The following LRRC7 variants were observed in gnomAD, a reference collection of about 807,000 sequenced individuals.
LRRC7 encodes leucine-rich repeat-containing protein 7.
Under a neutral mutation model 175.7 loss-of-function variants are expected in LRRC7, and 23 were observed. The observed-to-expected ratio is 0.13, with a 90% confidence interval of 0.09 to 0.19. The LOEUF is 0.19. Among genes scored for constraint, LRRC7 ranks in the 10% least tolerant of loss-of-function variants. The pLI is 1.00. For synonymous variants in LRRC7, 685 were observed against 680.9 expected (o/e 1.01, Z -0.09); for missense variants, 1,354 against 1,904.7 (o/e 0.71, Z 5.38).
At chr1:70,000,266 T>C (rs1385014712) in intron 11 of LRRC7, among the ~76,000 whole-genome samples, 1 of 152,220 alleles carries the variant, frequency 6.6e-6, no homozygotes, top group Non-Finnish European at 1.5e-5. Flanking sequence ...CATAAGATTA[T>C]AATACTGTAT....
chr1:70,008,944 C>T (rs1656232673), intron 11 of LRRC7, among the ~76,000 whole-genome samples: 2 of 152,096 alleles, frequency 1.3e-5, no homozygotes, highest in African/African-American at 4.8e-5. Context: ...AACTGAGATG[C>T]AGTTACTCAT....
chr1:69,615,663 C>A (rs1276346503), intron 1 of LRRC7, among the ~76,000 whole-genome samples: 1 of 151,916 alleles, frequency 6.6e-6, no homozygotes, highest in East Asian at 1.9e-4. Context: ...ATTTTATATA[C>A]ATGCATATAC....
chr1:70,128,455 G>A lies in LRRC7; in HGVS notation c.*6568G>A, dbSNP rs1387310061. On this transcript the variant is annotated 3_prime_UTR_variant, in exon 27 of 27. Coordinates refer to ENST00000651989, the MANE Select transcript of LRRC7 (RefSeq NM_001370785.2). ...GGTTGAATAAGCAGCCTAACAAATA[G>A]CCAAGTATCTTTACATCCAGAGTAA... 1 of 152,048 alleles carries A rather than the reference G, an allele frequency of 6.6e-6. No homozygotes were observed. The highest frequency in any genetic ancestry group is 1.5e-5 in the Non-Finnish European group (1 of 68,004). The allele number at this position is 152,048 out of a possible 1,614,324, so 9.4% of individuals were successfully genotyped here. A position where few individuals can be genotyped will look rare whatever the true frequency, so the allele number is the denominator to read the frequency against.
chr1:69,694,561 C>A (rs1662315974), intron 2 of LRRC7, among the ~76,000 whole-genome samples: 1 of 152,060 alleles, frequency 6.6e-6, no homozygotes, highest in Admixed American at 6.6e-5. Flanking sequence ...TATTTTCTTC[C>A]CTCCAAATTT....
chr1:69,743,808 G>A (rs1668971561), intron 2 of LRRC7, among the ~76,000 whole-genome samples: 1 of 151,876 alleles, frequency 6.6e-6, no homozygotes, highest in Admixed American at 6.6e-5. Context: ...AGTCTGTACA[G>A]AGGGAAAAAC....
chr1:69,791,016 G>A (rs1675049210), intron 3 of LRRC7, among the ~76,000 whole-genome samples: 1 of 151,966 alleles, frequency 6.6e-6, no homozygotes, highest in Admixed American at 6.6e-5. Context: ...AATTACATGG[G>A]AGAACAAATG....
chr1:69,917,965 G>T (rs1289982806), intron 7 of LRRC7, among the ~76,000 whole-genome samples: 1 of 152,124 alleles, frequency 6.6e-6, no homozygotes, highest in Admixed American at 6.6e-5. Context: ...GCAAGTACAT[G>T]TGATTTTCAT....
intron 1 of LRRC7, among the ~76,000 whole-genome samples, chr1:69,631,145 A>G (rs138286710): frequency 0.025 from 3,862 of 152,200 alleles, 61 homozygotes; most frequent in Middle Eastern, 0.054. Flanking sequence ...CACCTTAAAT[A>G]TCTTTTCTTT....
intron 1 of LRRC7, among the ~76,000 whole-genome samples, chr1:69,615,237 C>T (rs1354907209): frequency 6.6e-6 from 1 of 151,852 alleles, no homozygotes; most frequent in South Asian, 2.1e-4. Flanking sequence ...TTTTTATTTC[C>T]ATCTCCCTTT....
At chr1:69,760,740 A>G (rs1670950551) in intron 3 of LRRC7, among the ~76,000 whole-genome samples, 2 of 152,018 alleles carry the variant, frequency 1.3e-5, no homozygotes, top group African/African-American at 4.8e-5. Context: ...TCCAGAACTG[A>G]AAATTTCTAT....
chr1:69,919,283 G>C (rs985761620), intron 7 of LRRC7: 3 of 513,588 alleles, frequency 5.8e-6, no homozygotes, highest in South Asian at 2.5e-5. Flanking sequence ...GTATTTGCTA[G>C]ATACATTAGC....
chr1:69,682,772 G>A (rs930520854), intron 2 of LRRC7, among the ~76,000 whole-genome samples: 1 of 152,118 alleles, frequency 6.6e-6, no homozygotes, highest in Non-Finnish European at 1.5e-5. Context: ...CTAAGAAAGA[G>A]ATCATCTAAT....
chr1:69,975,596 A>G (rs1652730693), intron 8 of LRRC7, among the ~76,000 whole-genome samples: 1 of 152,150 alleles, frequency 6.6e-6, no homozygotes, highest in Non-Finnish European at 1.5e-5. Flanking sequence ...GCTCTCAGTG[A>G]TGCCTCTCAA....
intron 1 of LRRC7, among the ~76,000 whole-genome samples, chr1:69,660,797 A>G (rs960980371): frequency 6.6e-6 from 1 of 152,066 alleles, no homozygotes; most frequent in Non-Finnish European, 1.5e-5. Context: ...TGTGTGAAAT[A>G]GGAAGTCCTT....
intron 7 of LRRC7, among the ~76,000 whole-genome samples, chr1:69,848,534 A>G (rs1557805745): frequency 6.6e-6 from 1 of 152,092 alleles, no homozygotes; most frequent in African/African-American, 2.4e-5. Context: ...CTTTTATAAA[A>G]GACCCTTCAT....
chr1:69,922,677 A>T (rs1180115987), intron 7 of LRRC7, among the ~76,000 whole-genome samples: 1 of 152,184 alleles, frequency 6.6e-6, no homozygotes, highest in African/African-American at 2.4e-5. Flanking sequence ...AAAACTAATC[A>T]TCTCAAAATT....
chr1:69,659,177 G>T (rs150283443), intron 1 of LRRC7, among the ~76,000 whole-genome samples: 223 of 152,024 alleles, frequency 1.5e-3, no homozygotes, highest in African/African-American at 5.2e-3. Context: ...AGCATACCTG[G>T]ACACCAGAGA....
intron 7 of LRRC7, among the ~76,000 whole-genome samples, chr1:69,854,489 C>G (rs1332864272): frequency 6.6e-6 from 1 of 151,976 alleles, no homozygotes; most frequent in African/African-American, 2.4e-5. Context: ...GGCAACAGAG[C>G]AAGACCCTGT....
intron 4 of LRRC7, among the ~76,000 whole-genome samples, chr1:69,816,256 GCGCAAGCCA>G (rs1678589123): frequency 6.6e-6 from 1 of 152,166 alleles, no homozygotes; most frequent in South Asian, 2.1e-4. Flanking sequence ...GGGATTACAG[GCGCAAGCCA>G]CTGTGCCCAG....
Sources: allele counts gnomAD v4.1 joint callset (sites outside exome capture counted in the v4.1 genomes callset), GRCh38; gene constraint gnomAD v4.1.1; transcripts MANE v1.5; gene names NCBI Gene and HGNC (gene_info 2026-07-23, HGNC 2026-07-21).